The following LARP1B variants were observed in gnomAD, a reference collection of about 807,000 sequenced individuals.
The protein encoded by LARP1B is La ribonucleoprotein 1B.
A neutral mutation model predicts 114.2 loss-of-function variants in LARP1B; 76 were observed. That is an observed-to-expected ratio of 0.67 (90% CI 0.55 to 0.81). The LOEUF (loss-of-function observed/expected upper bound fraction) is 0.81, where lower values mean the gene tolerates loss of function less well. Among genes scored for constraint, LARP1B ranks in the 30% least tolerant of loss-of-function variants. The pLI, the probability that LARP1B is intolerant of heterozygous loss-of-function variation, is 0.00. For missense variants in LARP1B, 1,014 were observed against 1,075.8 expected (o/e 0.94, Z 0.80); for synonymous variants, 345 against 348.0 (o/e 0.99, Z 0.10).
chr4:128,171,849 G>A (rs944437912), intron 12 of LARP1B, among the ~76,000 whole-genome samples: 18 of 151,556 alleles, frequency 1.2e-4, no homozygotes, highest in African/African-American at 4.4e-4. Context: ...ATGGTTTTTG[G>A]TATAATAATT....
At chr4:128,062,011 G>A (rs1037503302) in intron 1 of LARP1B, 2 of 984,966 alleles carry the variant, frequency 2.0e-6, no homozygotes, top group Non-Finnish European at 2.4e-6. Context: ...AGCCGCCACC[G>A]CCACCGCCGC....
At position 128,135,098 on chromosome 4, in the gene LARP1B, AAAATAAATAAATAAAT is replaced by A. The variant is rs71304333; in HGVS notation, c.1524+12942_1524+12957del. Among the ~76,000 whole-genome samples, 178 of 141,568 alleles carry A rather than the reference AAAATAAATAAATAAAT, an allele frequency of 1.3e-3. 1 individual carries two copies. The South Asian group carries it at 0.013, about 11-fold the overall frequency. 92.9% of individuals were successfully genotyped at this position (141,568 alleles called of 152,430 possible). ...GCCTGGGTGACTGAGACTTCATCTC[AAAATAAATAAATAAAT>A]AAATAAATAAATAAATAAATAAATA... On this transcript the variant is annotated intron_variant, in intron 11 of 19. Transcript: ENST00000326639.
intron 11 of LARP1B, among the ~76,000 whole-genome samples, chr4:128,129,916 AGAT>A (rs1413800978): frequency 6.6e-6 from 1 of 152,246 alleles, no homozygotes; most frequent in Non-Finnish European, 1.5e-5. Context: ...ACGTCCTAGA[AGAT>A]GATCTAAGAG....
intron 15 of LARP1B, among the ~76,000 whole-genome samples, chr4:128,196,963 C>T (rs992089945): frequency 2.0e-5 from 3 of 152,050 alleles, no homozygotes; most frequent in Admixed American, 6.6e-5. Context: ...AAATATTATA[C>T]GATCCCACTT....
At chr4:128,209,127 C>T (rs1323117364) in intron 19 of LARP1B, among the ~76,000 whole-genome samples, 1 of 152,102 alleles carries the variant, frequency 6.6e-6, no homozygotes, top group Admixed American at 6.6e-5. Context: ...GCTTAGTAAA[C>T]ATGTGTTGAG....
intron 9 of LARP1B, among the ~76,000 whole-genome samples, chr4:128,113,195 C>A (rs1326258360): frequency 6.6e-6 from 1 of 152,064 alleles, no homozygotes; most frequent in African/African-American, 2.4e-5. Flanking sequence ...TTACAGAGTA[C>A]ATTTTTTGAA....
chr4:128,069,945 C>A (rs1057303186), intron 1 of LARP1B, among the ~76,000 whole-genome samples: 3 of 152,054 alleles, frequency 2.0e-5, no homozygotes, highest in African/African-American at 7.2e-5. Context: ...TAATGAAATA[C>A]CATTTTAAGT....
chr4:128,074,029 C>T (rs1294364879), intron 1 of LARP1B, among the ~76,000 whole-genome samples: 1 of 151,980 alleles, frequency 6.6e-6, no homozygotes, highest in African/African-American at 2.4e-5. Flanking sequence ...CATCCTCTGC[C>T]TCCCAGGTTC....
intron 1 of LARP1B, among the ~76,000 whole-genome samples, chr4:128,063,363 G>A (rs1428603092): frequency 1.4e-5 from 2 of 143,516 alleles, no homozygotes; most frequent in Non-Finnish European, 3.0e-5. Flanking sequence ...GGGAGGTGGA[G>A]GTTGCAGTGA....
chr4:128,061,835 G>A (rs550965375), intron 1 of LARP1B: 1 of 984,882 alleles, frequency 1.0e-6, no homozygotes, highest in African/African-American at 1.7e-5. Context: ...CAAAGAGGCG[G>A]CGAGGGAGGA....
chr4:128,201,774 C>G (rs1267387845), intron 17 of LARP1B, among the ~76,000 whole-genome samples: 1 of 151,972 alleles, frequency 6.6e-6, no homozygotes, highest in Non-Finnish European at 1.5e-5. Context: ...AGGAACATGG[C>G]GTGGACTCAT....
chr4:128,062,071 C>T, intron 1 of LARP1B: 1 of 985,402 alleles, frequency 1.0e-6, no homozygotes, highest in Non-Finnish European at 1.2e-6. Flanking sequence ...CCGAGGACGC[C>T]CGGGAAGAGG....
chr4:128,098,847 G>A (rs1393068581), intron 8 of LARP1B, among the ~76,000 whole-genome samples: 1 of 137,854 alleles, frequency 7.3e-6, no homozygotes, highest in African/African-American at 2.7e-5. Flanking sequence ...GCATGATATC[G>A]GCTCACCACA....
chr4:128,096,224 A>C (rs976837312), intron 7 of LARP1B, among the ~76,000 whole-genome samples: 1 of 151,826 alleles, frequency 6.6e-6, no homozygotes, highest in Non-Finnish European at 1.5e-5. Context: ...CGATCTTCTG[A>C]CCTCGTGATC....
rs765105151 is a variant in LARP1B at position 128,209,874 on chromosome 4, T to G, written c.2566T>G (p.Phe856Val). ...TTTGCAGCCCCCTATTAGTGATGAA[T>G]TTGGAAGAAAAAGACATTCCTCTAC... ...FRVDPPISDEFGRKRHSSTSG... is the reference protein window; with the variant it reads ...FRVDPPISDEVGRKRHSSTSG... Residue 856 changes from phenylalanine (F) to valine (V), a missense_variant, in exon 20 of 20, where the codon TTT becomes GTT. By Grantham distance (50) the Phe-to-Val change is conservative (BLOSUM62 -1). Transcript: ENST00000326639. 3.1e-6 allele frequency: 5 copies of G among 1,613,796 alleles called. No homozygotes were observed. Among genetic ancestry groups the G allele is most frequent in the Non-Finnish European group, 4.2e-6 (5 of 1,179,788 alleles).
rs545047374 is a variant in LARP1B, at chr4:128,210,329, A to G, written c.*276A>G. 2.6e-6 allele frequency: 3 copies of G among 1,168,808 alleles called. No individual in the cohort carries two copies. Among genetic ancestry groups the G allele is most frequent in the Non-Finnish European group, 3.2e-6 (3 of 944,794 alleles). The allele number at this position is 1,168,808 out of a possible 1,614,324, so 72.4% of individuals were successfully genotyped here. On this transcript the variant is annotated 3_prime_UTR_variant, in exon 20 of 20. Transcript: ENST00000326639. ...AGAGATCTTCTAGTAATGTATTTTGATCTCAGATTTCTTTTTCAAAGCCAT... is the reference window on the plus strand; with the variant it reads ...AGAGATCTTCTAGTAATGTATTTTGGTCTCAGATTTCTTTTTCAAAGCCAT...
chr4:128,196,003 C>G (rs1753927391), intron 15 of LARP1B, among the ~76,000 whole-genome samples: 1 of 152,034 alleles, frequency 6.6e-6, no homozygotes, highest in African/African-American at 2.4e-5. Flanking sequence ...CCTGTAATCC[C>G]AGCACTTTGT....
At chr4:128,098,768 T>TATATATATATATATA (rs58280279) in intron 8 of LARP1B, among the ~76,000 whole-genome samples, 26 of 18,840 alleles carry the variant, frequency 1.4e-3, no homozygotes, top group Non-Finnish European at 1.8e-3. Flanking sequence ...TATATATATA[T>TATATATATATATATA]TTTTTTTTTT....
At chr4:128,143,747 A>G (rs867311130) in intron 11 of LARP1B, among the ~76,000 whole-genome samples, 1 of 151,396 alleles carries the variant, frequency 6.6e-6, no homozygotes, top group Non-Finnish European at 1.5e-5. Context: ...AACTTGGTAT[A>G]GGTATTGGAG....
Sources: gnomAD v4.1 joint callset for allele counts (sites outside exome capture counted in the v4.1 genomes callset) on GRCh38, gnomAD v4.1.1 for gene constraint, MANE v1.5 for transcripts, NCBI Gene and HGNC (gene_info 2026-07-23, HGNC 2026-07-21) for gene names.